Variants in NCMAP observed in about 807,000 individuals in gnomAD.
The protein encoded by NCMAP is noncompact myelin-associated protein.
A neutral mutation model predicts 7.8 loss-of-function variants in NCMAP; 8 were observed. The ratio of observed to expected loss-of-function variants is 1.02; its 90% CI spans 0.60 to 1.84. NCMAP has a LOEUF of 1.84. Ranked by LOEUF, NCMAP falls within the 40% of genes most tolerant of loss-of-function variation. The probability of loss-of-function intolerance (pLI) is 0.00; values close to 1 mark genes in which losing one functional copy is unlikely to be tolerated. For synonymous variants in NCMAP, 41 were observed against 52.9 expected (o/e 0.78, Z 0.98); for missense variants, 112 against 131.4 (o/e 0.85, Z 0.72).
chr1:24,578,409 G>T (rs1250203301), intron 1 of NCMAP, among the ~76,000 whole-genome samples: 1 of 143,174 alleles, frequency 7.0e-6, no homozygotes, highest in Non-Finnish European at 1.5e-5. Context: ...CTGGGACACG[G>T]AGTTGCTTCC....
intron 3 of NCMAP, among the ~76,000 whole-genome samples, chr1:24,602,062 T>G (rs1652517639): frequency 6.6e-6 from 1 of 151,250 alleles, no homozygotes; most frequent in Admixed American, 6.6e-5. Context: ...AAATCATATA[T>G]ATATGTATTA....
intron 1 of NCMAP, among the ~76,000 whole-genome samples, chr1:24,575,323 A>G (rs1056864984): frequency 3.9e-5 from 6 of 152,182 alleles, no homozygotes; most frequent in African/African-American, 1.2e-4. Context: ...TAAAATTTTT[A>G]GAGCCCACGA....
chr1:24,567,451 A>C (rs1444952761), intron 1 of NCMAP, among the ~76,000 whole-genome samples: 1 of 152,152 alleles, frequency 6.6e-6, no homozygotes, highest in Admixed American at 6.6e-5. Context: ...ATCAGCACCC[A>C]CTAGGGCCCA....
intron 1 of NCMAP, among the ~76,000 whole-genome samples, chr1:24,572,133 G>A (rs1473776521): frequency 6.7e-6 from 1 of 149,410 alleles, no homozygotes; most frequent in Non-Finnish European, 1.5e-5. Context: ...CCAAAGCTGG[G>A]GCAGCGGCGA....
chr1:24,558,093 T>C (rs867803498), intron 1 of NCMAP, among the ~76,000 whole-genome samples: 3 of 152,180 alleles, frequency 2.0e-5, no homozygotes, highest in Non-Finnish European at 4.4e-5. Flanking sequence ...TCTCCCTGGG[T>C]TGACCACGAA....
chr1:24,604,024 AAG>A, intron 3 of NCMAP, among the ~76,000 whole-genome samples: 1 of 152,344 alleles, frequency 6.6e-6, no homozygotes, highest in Middle Eastern at 3.4e-3. Context: ...TAGAAGGGCA[AAG>A]AGAGAGCCAG....
At chr1:24,569,874 T>C (rs1159405431) in intron 1 of NCMAP, among the ~76,000 whole-genome samples, 2 of 150,794 alleles carry the variant, frequency 1.3e-5, no homozygotes, top group African/African-American at 2.5e-5. Context: ...GTCAGATTCT[T>C]TGGGGTCACG....
At chr1:24,564,534 A>AAAC (rs1553154945) in intron 1 of NCMAP, among the ~76,000 whole-genome samples, 4 of 79,498 alleles carry the variant, frequency 5.0e-5, no homozygotes, top group Non-Finnish European at 1.0e-4. Context: ...AAAAAAAAAC[A>AAAC]AAAAAAAACC....
At chr1:24,562,979 G>C (rs1482563301) in intron 1 of NCMAP, among the ~76,000 whole-genome samples, 1 of 152,228 alleles carries the variant, frequency 6.6e-6, no homozygotes, top group Non-Finnish European at 1.5e-5. Flanking sequence ...CATCCCTGGG[G>C]GGGGACAGGA....
rs1334249027 is a variant in NCMAP at position 24,607,939 on chromosome 1, C to T, written c.*2192C>T. 1.3e-5 allele frequency: 2 copies of T among 152,150 alleles called. No homozygotes were observed. Among genetic ancestry groups the T allele is most frequent in the Non-Finnish European group, 2.9e-5 (2 of 68,022 alleles). The allele number at this position is 152,150 out of a possible 1,614,324, so 9.4% of individuals were successfully genotyped here. A position where few individuals can be genotyped will look rare whatever the true frequency, so the allele number is the denominator to read the frequency against. Reference sequence around the variant, plus strand: ...AGGTCTTACCCAGGGTCACACAGCTCATGATATCCCACTGTAAAAATACTC... The same window carrying T: ...AGGTCTTACCCAGGGTCACACAGCTTATGATATCCCACTGTAAAAATACTC... On this transcript the variant is annotated 3_prime_UTR_variant, in exon 4 of 4. Coordinates refer to ENST00000374392, the MANE Select transcript of NCMAP (RefSeq NM_001010980.5).
intron 1 of NCMAP, among the ~76,000 whole-genome samples, chr1:24,572,857 A>G (rs4648995): frequency 0.26 from 39,051 of 150,630 alleles, 6,575 homozygotes; most frequent in Admixed American, 0.43. Context: ...TGGGAAGCAG[A>G]AAACTGGATC....
chr1:24,568,520 G>A (rs1651292342), intron 1 of NCMAP, among the ~76,000 whole-genome samples: 1 of 152,154 alleles, frequency 6.6e-6, no homozygotes, highest in African/African-American at 2.4e-5. Flanking sequence ...GGAGAGAAAG[G>A]AAATATATTA....
chr1:24,580,234 A>G (rs1651704251), intron 1 of NCMAP, among the ~76,000 whole-genome samples: 2 of 152,332 alleles, frequency 1.3e-5, no homozygotes, highest in Admixed American at 1.3e-4. Flanking sequence ...GAGACACTAC[A>G]TTCTTAATTG....
chr1:24,588,841 G>A (rs1264192462), intron 1 of NCMAP, among the ~76,000 whole-genome samples: 1 of 152,172 alleles, frequency 6.6e-6, no homozygotes, highest in Admixed American at 6.5e-5. Flanking sequence ...TAGGCCTGGG[G>A]CAAGGGCCCT....
intron 3 of NCMAP, among the ~76,000 whole-genome samples, chr1:24,604,587 AAAAAAAAAAAAAAAAAAAATATAT>A (rs1652622085): frequency 1.8e-5 from 1 of 56,210 alleles, no homozygotes; most frequent in Non-Finnish European, 3.0e-5. Context: ...AAAAAAAAAA[AAAAAAAAAAAAAAAAAAAATATAT>A]ATATATATAT....
intron 1 of NCMAP, among the ~76,000 whole-genome samples, chr1:24,594,628 C>T (rs1301119166): frequency 2.0e-5 from 3 of 152,252 alleles, no homozygotes; most frequent in Admixed American, 6.5e-5. Context: ...TTTCCCCTTA[C>T]GCCCCAACCA....
chr1:24,601,101 G>A (rs1652473399), intron 3 of NCMAP, 77 bp downstream of exon 3: 3 of 1,181,884 alleles, frequency 2.5e-6, no homozygotes, highest in Non-Finnish European at 2.5e-6. Context: ...GTGATATATG[G>A]GTGTCCGTCG....
At chr1:24,575,671 C>G (rs1198675454) in intron 1 of NCMAP, among the ~76,000 whole-genome samples, 2 of 151,948 alleles carry the variant, frequency 1.3e-5, no homozygotes, top group African/African-American at 4.8e-5. Flanking sequence ...ACTGCCCGGG[C>G]GTGGTGGCTC....
At position 24,605,655 on chromosome 1, in the gene NCMAP, G is replaced by A. The variant is rs113438005; in HGVS notation, c.217G>A (p.Ala73Thr). Residue 73 changes from alanine to threonine, a missense_variant, in exon 4 of 4, where the codon GCC (alanine) becomes ACC (threonine). Transcript: ENST00000374392. ...ELEPKGPKPT[A>T]PSAVGPNSNG... ...AGAGCCCAAGGGCCCCAAGCCAACCGCCCCTTCTGCCGTGGGCCCAAACAG... is the reference window on the plus strand; with the variant it reads ...AGAGCCCAAGGGCCCCAAGCCAACCACCCCTTCTGCCGTGGGCCCAAACAG... 6.0e-5 allele frequency: 97 copies of A among 1,614,184 alleles called. No homozygotes were observed. The highest frequency in any genetic ancestry group is 6.7e-5 in the East Asian group (3 of 44,884).
Sources: gnomAD v4.1 joint callset for allele counts (sites outside exome capture counted in the v4.1 genomes callset) on GRCh38, gnomAD v4.1.1 for gene constraint, MANE v1.5 for transcripts, NCBI Gene and HGNC (gene_info 2026-07-23, HGNC 2026-07-21) for gene names.